The following HMBOX1 variants were observed in gnomAD, a reference collection of about 807,000 sequenced individuals.
HMBOX1 encodes homeobox containing 1.
In HMBOX1, 14 loss-of-function variants were observed where a neutral mutation model predicts 54.5. That is an observed-to-expected ratio of 0.26 (90% CI 0.17 to 0.40). The LOEUF (loss-of-function observed/expected upper bound fraction) is 0.40. Ranked by LOEUF, HMBOX1 falls within the 10% of genes least tolerant of loss-of-function variation. HMBOX1 has a pLI of 1.00. For synonymous variants in HMBOX1, 160 were observed against 181.0 expected, an observed-to-expected ratio of 0.88 and a Z score of 0.93; for missense variants, 332 against 514.4, an observed-to-expected ratio of 0.65 and a Z score of 3.43.
intron 1 of HMBOX1, among the ~76,000 whole-genome samples, chr8:28,910,868 T>C (rs1188109895): frequency 2.0e-5 from 3 of 152,252 alleles, no homozygotes; most frequent in Non-Finnish European, 4.4e-5. Context: ...TCAATTCTTC[T>C]TAAAATTCAT....
intron 1 of HMBOX1, among the ~76,000 whole-genome samples, chr8:28,961,061 A>T (rs1476864537): frequency 2.0e-5 from 3 of 151,954 alleles, no homozygotes; most frequent in African/African-American, 7.2e-5. Flanking sequence ...CTGGGATTAC[A>T]GGCATGAGCC....
At chr8:29,014,094 C>T (rs1474874088) in intron 5 of HMBOX1, among the ~76,000 whole-genome samples, 1 of 152,054 alleles carries the variant, frequency 6.6e-6, no homozygotes. Context: ...AGTCCCCTCA[C>T]CCAGAGCTAA....
At chr8:28,963,709 A>G in intron 1 of HMBOX1, 102 bp from the exon 2 acceptor site, 1 of 523,118 alleles carries the variant, frequency 1.9e-6, no homozygotes, top group Non-Finnish European at 3.4e-6. Flanking sequence ...TAACATGATT[A>G]GCTAGTGTTA....
rs866967586 is a variant in HMBOX1 at position 28,976,146 on chromosome 8, T to C, written c.501-3925T>C. ...CTATAGAACTCTTTTAATGCTACCT[T>C]AAAGTACCTGGTACAGATGTTTACT... On this transcript the variant is annotated intron_variant, in intron 3 of 9. Transcript: ENST00000287701. 2.0e-5 allele frequency among the ~76,000 whole-genome samples: 3 copies of C among 152,208 alleles called. No homozygotes were observed. In the East Asian group the frequency reaches 5.8e-4, roughly 29 times the overall value.
chr8:29,045,964 C>G (rs1276497666), intron 7 of HMBOX1, among the ~76,000 whole-genome samples: 1 of 152,142 alleles, frequency 6.6e-6, no homozygotes, highest in Non-Finnish European at 1.5e-5. Flanking sequence ...ATTTTGAAGT[C>G]CTGTTGTTCC....
intron 3 of HMBOX1, among the ~76,000 whole-genome samples, chr8:28,978,774 G>A (rs554540129): frequency 1.9e-5 from 2 of 107,656 alleles, no homozygotes; most frequent in African/African-American, 7.6e-5. Flanking sequence ...GCAACAGAGT[G>A]AGACTCCGTC....
intron 4 of HMBOX1, among the ~76,000 whole-genome samples, chr8:28,996,306 G>T (rs1041177115): frequency 6.6e-6 from 1 of 152,118 alleles, no homozygotes; most frequent in African/African-American, 2.4e-5. Context: ...GTAGACACAC[G>T]TGAGTAATGC....
chr8:28,984,768 T>C (rs1829927780), intron 4 of HMBOX1, among the ~76,000 whole-genome samples: 1 of 152,200 alleles, frequency 6.6e-6, no homozygotes, highest in African/African-American at 2.4e-5. Flanking sequence ...TGTTTAAGAA[T>C]GCTTAAAACA....
chr8:28,938,626 T>C (rs1284909261), intron 1 of HMBOX1, among the ~76,000 whole-genome samples: 2 of 151,820 alleles, frequency 1.3e-5, no homozygotes, highest in African/African-American at 4.8e-5. Context: ...TTTTTTTTTT[T>C]TGGTAGAGAC....
chr8:28,893,189 C>G (rs952151246), intron 1 of HMBOX1, among the ~76,000 whole-genome samples: 5 of 152,030 alleles, frequency 3.3e-5, no homozygotes, highest in Non-Finnish European at 5.9e-5. Flanking sequence ...AAATATATTC[C>G]CAGCATTTGT....
intron 2 of HMBOX1, among the ~76,000 whole-genome samples, chr8:28,967,739 A>G (rs1264661147): frequency 1.3e-5 from 2 of 152,224 alleles, no homozygotes; most frequent in African/African-American, 4.8e-5. Context: ...TTTTTTCATT[A>G]CAAAATATTG....
chr8:28,951,982 G>A (rs574069202), intron 1 of HMBOX1, among the ~76,000 whole-genome samples: 7 of 152,096 alleles, frequency 4.6e-5, no homozygotes, highest in African/African-American at 1.7e-4. Context: ...GACCAGCCTG[G>A]GCAACATAGT....
intron 2 of HMBOX1, among the ~76,000 whole-genome samples, chr8:28,969,027 G>A (rs1346478821): frequency 6.6e-6 from 1 of 152,104 alleles, no homozygotes; most frequent in African/African-American, 2.4e-5. Context: ...TATAAAAGTA[G>A]CCAGGCTTGG....
chr8:28,896,674 C>T (rs529130169), intron 1 of HMBOX1, among the ~76,000 whole-genome samples: 2 of 124,092 alleles, frequency 1.6e-5, no homozygotes, highest in East Asian at 1.9e-4. Context: ...CTTTCCAGTG[C>T]GTTACAGTTG....
Position 29,009,086 on chromosome 8 carries a change from C to A in HMBOX1, c.601C>A (p.Arg201=). Residue 201 remains arginine, a synonymous_variant, in exon 5 of 10, where the codon CGG becomes AGG. Transcript: ENST00000287701. ...VAQVTGISQS[R]ISHWLLQQGS... ...TTTCTACATAGGTATCAGTCAGAGC[C>A]GGATCTCTCATTGGCTGTTGCAGCA... 6.2e-7 allele frequency: 1 copy of A among 1,612,950 alleles called. No individual in the cohort carries two copies. The highest frequency in any genetic ancestry group is 8.5e-7 in the Non-Finnish European group (1 of 1,179,058).
rs1554519263 is a variant in HMBOX1 at position 28,900,271 on chromosome 8, A to AATATATATAT, written c.-58+9604_-58+9613dup. Reference sequence around the variant, plus strand: ...TTCCGTCTCAAAAAAAAAAAAAAAAAATATATATATATATATATATTTTGT... The same window carrying AATATATATAT: ...TTCCGTCTCAAAAAAAAAAAAAAAAAATATATATATATATATATATATATATATATTTTGT... On this transcript the variant is annotated intron_variant, in intron 1 of 9. Coordinates refer to ENST00000287701, the MANE Select transcript of HMBOX1 (RefSeq NM_001135726.3). Among the ~76,000 whole-genome samples the AATATATATAT allele has an allele frequency of 5.8e-3, 408 of 70,300 alleles. 4 individuals carry two copies. Among genetic ancestry groups the AATATATATAT allele is most frequent in the Middle Eastern group, 9.3e-3 (1 of 108 alleles). The allele number at this position is 70,300 out of a possible 152,430, so 46.1% of individuals were successfully genotyped here.
chr8:28,970,693 T>C lies in HMBOX1; in HGVS notation c.500+174T>C. The C allele has an allele frequency of 1.9e-6, 1 of 512,900 alleles. No homozygotes were observed. The highest frequency in any genetic ancestry group is 3.6e-5 in the South Asian group (1 of 27,586). 31.8% of individuals were successfully genotyped at this position (512,900 alleles called of 1,614,324 possible). On this transcript the variant is annotated intron_variant, in intron 3 of 9. Coordinates refer to ENST00000287701, the MANE Select transcript of HMBOX1 (RefSeq NM_001135726.3). This position sits in a 1 kb window ranked among gnomAD's most constrained non-coding sequence, Gnocchi z 4.3. ...GATGAAAGAAAGAAAGTTCAAGCTT[T>C]ATGTTTTTAATTTAAATTTTCTCTT...
intron 6 of HMBOX1, among the ~76,000 whole-genome samples, chr8:29,041,526 C>CAGAT (rs1460538816): frequency 1.3e-5 from 2 of 151,980 alleles, no homozygotes; most frequent in African/African-American, 4.8e-5. Flanking sequence ...TAGTAGAAGA[C>CAGAT]AGATGTATAC....
chr8:29,015,988 A>G (rs1047045654), intron 5 of HMBOX1, among the ~76,000 whole-genome samples: 5 of 152,246 alleles, frequency 3.3e-5, no homozygotes, highest in Admixed American at 2.0e-4. Flanking sequence ...TATGATGACA[A>G]ACTTACTTGT....
Sources: allele counts gnomAD v4.1 joint callset (sites outside exome capture counted in the v4.1 genomes callset), GRCh38; gene constraint gnomAD v4.1.1; non-coding constraint Gnocchi (gnomAD v3.1); transcripts MANE v1.5; gene names NCBI Gene and HGNC (gene_info 2026-07-23, HGNC 2026-07-21).